The following DNAI3 variants were observed in gnomAD, a reference collection of about 807,000 sequenced individuals.
The protein encoded by DNAI3 is dynein axonemal intermediate chain 3.
A neutral mutation model predicts 115.5 loss-of-function variants in DNAI3; 83 were observed. That is an observed-to-expected ratio of 0.72 (90% CI 0.60 to 0.86). The LOEUF is 0.86. Among genes scored for constraint, DNAI3 ranks in the 40% least tolerant of loss-of-function variants. The pLI is 0.00. For missense variants in DNAI3, 1,004 were observed against 1,075.8 expected (o/e 0.93, Z 0.93); for synonymous variants, 320 against 347.0 (o/e 0.92, Z 0.86).
chr1:85,090,320 T>C lies in DNAI3; in HGVS notation c.857+88T>C, dbSNP rs925058900. On this transcript the variant is annotated intron_variant, in intron 8 of 22. Coordinates refer to ENST00000294664, the MANE Select transcript of DNAI3 (RefSeq NM_145172.5). ...ACAGGTCTAAATAAACAATTCCATA[T>C]AGGGTATCTAGATAAAAAGTATGAA... 5.0e-6 allele frequency: 3 copies of C among 604,642 alleles called. No individual in the cohort carries two copies. In the East Asian group the frequency reaches 9.9e-5, roughly 20 times the overall value. The allele number at this position is 604,642 out of a possible 1,614,324, so 37.5% of individuals were successfully genotyped here. A position where few individuals can be genotyped will look rare whatever the true frequency, so the allele number is the denominator to read the frequency against.
intron 13 of DNAI3, among the ~76,000 whole-genome samples, chr1:85,101,817 G>A (rs1655329839): frequency 6.8e-6 from 1 of 148,050 alleles, no homozygotes; most frequent in South Asian, 2.2e-4. Flanking sequence ...CTGGAATGAA[G>A]ATAGTTTTCA....
intron 9 of DNAI3, 63 bp from the exon 10 acceptor site, chr1:85,094,368 G>C: frequency 6.3e-7 from 1 of 1,598,674 alleles, no homozygotes; most frequent in South Asian, 1.1e-5. Context: ...AAAAGCAAAA[G>C]CTAGAGACAT....
intron 15 of DNAI3, among the ~76,000 whole-genome samples, chr1:85,108,644 G>A (rs533958281): frequency 1.8e-4 from 27 of 152,226 alleles, no homozygotes; most frequent in African/African-American, 6.3e-4. Flanking sequence ...TGGATTCAGG[G>A]GGTACATGTG....
intron 13 of DNAI3, 138 bp from the exon 14 acceptor site, chr1:85,104,386 G>A: frequency 1.6e-6 from 1 of 632,232 alleles, no homozygotes; most frequent in Non-Finnish European, 2.7e-6. Context: ...CTATCAGAAT[G>A]CTGGGATTAC....
chr1:85,099,171 C>T (rs1655212183), intron 13 of DNAI3: 1 of 862,962 alleles, frequency 1.2e-6, no homozygotes, highest in Non-Finnish European at 1.4e-6. Flanking sequence ...TGTACACTTA[C>T]TTGACTATAA....
chr1:85,063,053 A>G (rs570032479), intron 1 of DNAI3, among the ~76,000 whole-genome samples: 1 of 152,352 alleles, frequency 6.6e-6, no homozygotes, highest in Admixed American at 6.5e-5. Flanking sequence ...ATTGCTGCGC[A>G]ATACTTTCTC....
intron 13 of DNAI3, among the ~76,000 whole-genome samples, chr1:85,102,384 T>C (rs749819341): frequency 1.2e-4 from 18 of 151,840 alleles, no homozygotes; most frequent in Non-Finnish European, 2.2e-4. Context: ...AATAACAAAA[T>C]GGAGGAAAAT....
chr1:85,128,358 C>T lies in DNAI3; in HGVS notation c.2318-350C>T, dbSNP rs551037280. Among the ~76,000 whole-genome samples the T allele has an allele frequency of 2.0e-5, 3 of 152,266 alleles. No homozygotes were observed. In the South Asian group the frequency reaches 6.2e-4, roughly 32 times the overall value. On this transcript the variant is annotated intron_variant, in intron 20 of 22. Transcript: ENST00000294664. ...TCATAACTTTTCTTTGAAAATCTTTCCATGTGTTCTCCTTGCTTTCTTCTC... is the reference window on the plus strand; with the variant it reads ...TCATAACTTTTCTTTGAAAATCTTTTCATGTGTTCTCCTTGCTTTCTTCTC...
At chr1:85,119,577 C>T (rs6576750) in intron 17 of DNAI3, among the ~76,000 whole-genome samples, 14,129 of 152,226 alleles carry the variant, frequency 0.093, 842 homozygotes, top group African/African-American at 0.18. Flanking sequence ...CAACTCAGTA[C>T]AACATGAATA....
At chr1:85,108,288 A>C in intron 15 of DNAI3, 111 bp downstream of exon 15, 1 of 1,172,512 alleles carries the variant, frequency 8.5e-7, no homozygotes, top group South Asian at 2.4e-5. Flanking sequence ...GCTCAGATTA[A>C]CACAAGACTG....
intron 22 of DNAI3, among the ~76,000 whole-genome samples, chr1:85,132,176 G>GATTGCAATGGAGCTT (rs1192584619): frequency 6.6e-6 from 1 of 152,264 alleles, no homozygotes; most frequent in East Asian, 1.9e-4. Context: ...AACCTCAGAA[G>GATTGCAATGGAGCTT]ATTGCAATGG....
chr1:85,116,202 A>T (rs886406039), intron 16 of DNAI3, among the ~76,000 whole-genome samples: 1 of 151,366 alleles, frequency 6.6e-6, no homozygotes, highest in Non-Finnish European at 1.5e-5. Context: ...TCTCCATCTG[A>T]CTCTTGCTGT....
At chr1:85,124,296 T>A (rs773026148) in intron 19 of DNAI3, 45 bp downstream of exon 19, 3 of 1,613,892 alleles carry the variant, frequency 1.9e-6, no homozygotes, top group Middle Eastern at 3.3e-4. Flanking sequence ...GATCTTTTGT[T>A]ATTCAGAAAG....
intron 16 of DNAI3, among the ~76,000 whole-genome samples, chr1:85,116,466 T>G (rs986479699): frequency 2.0e-5 from 3 of 152,242 alleles, no homozygotes; most frequent in African/African-American, 7.2e-5. Flanking sequence ...GCCCCTTGTT[T>G]AACATTTCTG....
intron 1 of DNAI3, among the ~76,000 whole-genome samples, chr1:85,067,364 T>C (rs1654132138): frequency 6.6e-6 from 1 of 152,206 alleles, no homozygotes; most frequent in Non-Finnish European, 1.5e-5. Flanking sequence ...CTTGCATTAA[T>C]GCACATTCCA....
At chr1:85,072,641 CAAA>C (rs1243036939) in intron 2 of DNAI3, among the ~76,000 whole-genome samples, 1 of 101,414 alleles carries the variant, frequency 9.9e-6, no homozygotes. Flanking sequence ...GACTCCATCT[CAAA>C]AAAAAAAAAA....
intron 22 of DNAI3, among the ~76,000 whole-genome samples, chr1:85,130,667 TGATAGATAGATA>T (rs71736981): frequency 0.01 from 1,511 of 148,472 alleles, 17 homozygotes; most frequent in African/African-American, 0.02. Flanking sequence ...ATTAGATAGA[TGATAGATAGATA>T]GATAGATAGA....
chr1:85,067,049 C>A (rs909323987), intron 1 of DNAI3, among the ~76,000 whole-genome samples: 2 of 152,140 alleles, frequency 1.3e-5, no homozygotes, highest in African/African-American at 4.8e-5. Flanking sequence ...AAATAAACTG[C>A]AAAATTTTGC....
At chr1:85,079,042 G>A (rs1654547233) in intron 3 of DNAI3, among the ~76,000 whole-genome samples, 1 of 152,216 alleles carries the variant, frequency 6.6e-6, no homozygotes, top group African/African-American at 2.4e-5. Context: ...TCTTCTGAAT[G>A]CCTCTGTTTT....
Sources: gnomAD v4.1 joint callset for allele counts (sites outside exome capture counted in the v4.1 genomes callset) on GRCh38, gnomAD v4.1.1 for gene constraint, MANE v1.5 for transcripts, NCBI Gene and HGNC (gene_info 2026-07-23, HGNC 2026-07-21) for gene names.